SAMD12: variants seen among roughly 807,000 people sequenced by gnomAD.
The protein encoded by SAMD12 is sterile alpha motif domain-containing protein 12.
Under a neutral mutation model 15.0 loss-of-function variants are expected in SAMD12, and 9 were observed. The ratio of observed to expected loss-of-function variants is 0.60; its 90% CI spans 0.36 to 1.05. The LOEUF is 1.05. SAMD12 is among the 50% of genes least tolerant of loss of function. The pLI, the probability that SAMD12 is intolerant of heterozygous loss-of-function variation, is 0.01. For missense variants in SAMD12, 230 were observed against 234.2 expected, an observed-to-expected ratio of 0.98 and a Z score of 0.12; for synonymous variants, 86 against 90.1, an observed-to-expected ratio of 0.96 and a Z score of 0.25.
chr8:118,408,136 A>G (rs1821223680), intron 3 of SAMD12, among the ~76,000 whole-genome samples: 1 of 152,156 alleles, frequency 6.6e-6, no homozygotes, highest in African/African-American at 2.4e-5. Context: ...TTTTCACTCC[A>G]GTCCTACACT....
chr8:118,339,746 T>G (rs903307139), intron 4 of SAMD12, among the ~76,000 whole-genome samples: 1 of 152,232 alleles, frequency 6.6e-6, no homozygotes, highest in Non-Finnish European at 1.5e-5. Context: ...CTCCTCCCTA[T>G]GCACTCACTT....
At chr8:118,486,510 A>AG (rs1308662431) in intron 2 of SAMD12, among the ~76,000 whole-genome samples, 4 of 151,972 alleles carry the variant, frequency 2.6e-5, no homozygotes, top group Non-Finnish European at 5.9e-5. Flanking sequence ...AGATAGAAGG[A>AG]GGGGCCAGGA....
At chr8:118,367,976 A>T (rs1818882081) in intron 4 of SAMD12, among the ~76,000 whole-genome samples, 1 of 152,230 alleles carries the variant, frequency 6.6e-6, no homozygotes, top group Non-Finnish European at 1.5e-5. Context: ...AAACAGGAAA[A>T]GATGCTAATC....
chr8:118,534,355 G>C (rs547726605), intron 2 of SAMD12, among the ~76,000 whole-genome samples: 1 of 151,948 alleles, frequency 6.6e-6, no homozygotes, highest in Non-Finnish European at 1.5e-5. Flanking sequence ...ACCCGACCTT[G>C]CTCTCTGGCT....
At chr8:118,426,517 T>C (rs1822239761) in intron 3 of SAMD12, among the ~76,000 whole-genome samples, 1 of 152,182 alleles carries the variant, frequency 6.6e-6, no homozygotes, top group South Asian at 2.1e-4. Context: ...CAAGAAACCA[T>C]GGGCATTATT....
At chr8:118,407,114 A>C (rs946376545) in intron 3 of SAMD12, among the ~76,000 whole-genome samples, 4 of 152,184 alleles carry the variant, frequency 2.6e-5, no homozygotes, top group African/African-American at 9.7e-5. Flanking sequence ...AGTAACAACA[A>C]CAACAACAAA....
At chr8:118,614,129 T>C (rs1828175320) in intron 1 of SAMD12, among the ~76,000 whole-genome samples, 1 of 152,116 alleles carries the variant, frequency 6.6e-6, no homozygotes, top group African/African-American at 2.4e-5. Context: ...GCTATAAAAA[T>C]GCTATAAAAA....
the SAMD12 span, among the ~76,000 whole-genome samples, chr8:118,172,484 C>T: frequency 1.3e-5 from 2 of 152,148 alleles, no homozygotes; most frequent in African/African-American, 2.4e-5. Context: ...CCTGTTTGAG[C>T]AAATTGGAGA....
At chr8:118,393,820 T>C (rs998898433) in intron 3 of SAMD12, among the ~76,000 whole-genome samples, 1 of 151,710 alleles carries the variant, frequency 6.6e-6, no homozygotes, top group African/African-American at 2.4e-5. Flanking sequence ...CAGGCTGTTC[T>C]TGAACTCCTC....
chr8:118,591,749 T>C (rs1443355168), intron 1 of SAMD12, among the ~76,000 whole-genome samples: 2 of 151,670 alleles, frequency 1.3e-5, no homozygotes, highest in Non-Finnish European at 2.9e-5. Flanking sequence ...AGGTTAAAAA[T>C]AAGAAATAAA....
intron 4 of SAMD12, among the ~76,000 whole-genome samples, chr8:118,334,698 C>T (rs1037569919): frequency 6.6e-6 from 1 of 152,086 alleles, no homozygotes; most frequent in Non-Finnish European, 1.5e-5. Context: ...CAGGCTCAAG[C>T]GATCCTCCCA....
intron 2 of SAMD12, among the ~76,000 whole-genome samples, chr8:118,539,741 C>T (rs1411426389): frequency 6.6e-6 from 1 of 152,234 alleles, no homozygotes; most frequent in Middle Eastern, 3.4e-3. Flanking sequence ...CATTATACAA[C>T]TAAAACTGAA....
At chr8:118,268,639 A>G (rs1024736968) in intron 4 of SAMD12, among the ~76,000 whole-genome samples, 1 of 151,920 alleles carries the variant, frequency 6.6e-6, no homozygotes, top group African/African-American at 2.4e-5. Context: ...ACATGGTGAA[A>G]CCCCATCTCT....
intron 4 of SAMD12, among the ~76,000 whole-genome samples, chr8:118,261,298 T>C (rs11562788): frequency 0.016 from 2,469 of 152,194 alleles, 81 homozygotes; most frequent in African/African-American, 0.056. Context: ...CATCCAACAA[T>C]TCTTCTCCTG....
chr8:118,597,068 C>T (rs1227218709), intron 1 of SAMD12, among the ~76,000 whole-genome samples: 1 of 152,078 alleles, frequency 6.6e-6, no homozygotes, highest in African/African-American at 2.4e-5. Context: ...ACACTGAAGC[C>T]CTCAGCATGC....
intron 4 of SAMD12, among the ~76,000 whole-genome samples, chr8:118,209,709 C>T (rs1217368187): frequency 5.9e-5 from 9 of 152,282 alleles, no homozygotes; most frequent in Middle Eastern, 6.8e-3. Flanking sequence ...TCCAAGACTA[C>T]GATGTTTGAA....
chr8:118,621,919 T>G lies in SAMD12; in HGVS notation c.-103A>C. 7.3e-7 allele frequency: 1 copy of G among 1,371,424 alleles called. No homozygotes were observed. The highest frequency in any genetic ancestry group is 1.2e-5 in the South Asian group (1 of 85,956). 85.0% of individuals were successfully genotyped at this position (1,371,424 alleles called of 1,614,324 possible). ...TCGCTTTCGCCTAAATATTCTGCGC[T>G]TATCTGCTCCAGGACCAACCTGCCG... On this transcript the variant is annotated 5_prime_UTR_variant, in exon 1 of 4. Transcript: ENST00000314727.
At chr8:118,384,857 G>A (rs1320639891) in intron 3 of SAMD12, among the ~76,000 whole-genome samples, 2 of 152,114 alleles carry the variant, frequency 1.3e-5, no homozygotes, top group Admixed American at 6.5e-5. Context: ...GCATATCCTG[G>A]CAGAACTTAG....
rs1484660892 is a variant in SAMD12, at chr8:118,399,176, A to G, written c.323-19476T>C. Among the ~76,000 whole-genome samples the G allele has an allele frequency of 2.7e-5, 4 of 148,592 alleles. No homozygotes were observed. In the East Asian group the frequency reaches 7.9e-4, roughly 29 times the overall value. On this transcript the variant is annotated intron_variant, in intron 3 of 3. Transcript: ENST00000314727. ...TGGGATTACAGGTGTGAGCCATCACACCAGGCCCGATAAATTTTTTTTTTC... is the reference window on the plus strand; with the variant it reads ...TGGGATTACAGGTGTGAGCCATCACGCCAGGCCCGATAAATTTTTTTTTTC...
Sources: allele counts gnomAD v4.1 joint callset (sites outside exome capture counted in the v4.1 genomes callset), GRCh38; gene constraint gnomAD v4.1.1; transcripts MANE v1.5; gene names NCBI Gene and HGNC (gene_info 2026-07-23, HGNC 2026-07-21).